The following SLCO6A1 variants were observed in gnomAD, a reference collection of about 807,000 sequenced individuals.
The protein encoded by SLCO6A1 is solute carrier organic anion transporter family member 6A1, also known as cancer/testis antigen 48.
In SLCO6A1, 65 loss-of-function variants were observed where a neutral mutation model predicts 72.7. The observed-to-expected ratio is 0.89, with a 90% CI of 0.73 to 1.10. The LOEUF (loss-of-function observed/expected upper bound fraction) is 1.10. SLCO6A1 is among the 50% of genes least tolerant of loss of function. The pLI is 0.00. For synonymous variants in SLCO6A1, 314 were observed against 298.2 expected, an observed-to-expected ratio of 1.05 and a Z score of -0.55; for missense variants, 874 against 872.6, an observed-to-expected ratio of 1.00 and a Z score of -0.02.
At position 102,455,977 on chromosome 5, in the gene SLCO6A1, G is replaced by A. The variant is rs570888893; in HGVS notation, c.1131+2405C>T. 9.8e-4 allele frequency among the ~76,000 whole-genome samples: 149 copies of A among 152,128 alleles called. 6 individuals carry two copies. The South Asian group carries it at 0.03, about 31-fold the overall frequency. Reference sequence around the variant, plus strand: ...TATGCAAATCAATAAACATAATCCAGCATATAAAGAGAACCAACGACAAAA... The same window carrying A: ...TATGCAAATCAATAAACATAATCCAACATATAAAGAGAACCAACGACAAAA... On this transcript the variant is annotated intron_variant, in intron 6 of 13. Transcript: ENST00000506729.
chr5:102,382,141 T>C (rs556025913), intron 12 of SLCO6A1, among the ~76,000 whole-genome samples: 4 of 151,842 alleles, frequency 2.6e-5, no homozygotes, highest in South Asian at 4.1e-4. Context: ...ATATATTACA[T>C]TTAAGGCTTT....
In SLCO6A1 at chr5:102,412,581, CA is replaced by C. The variant is rs560648341; in HGVS notation, c.1626+408del. 1.3e-4 allele frequency among the ~76,000 whole-genome samples: 19 copies of C among 151,928 alleles called. No individual in the cohort carries two copies. In the South Asian group the frequency reaches 4.0e-3, roughly 32 times the overall value. ...TTCAAGACCAGCTTGGGCAGCATGGCAAAAACCCATCTCTAAAAAAATTACA... is the reference window on the plus strand; with the variant it reads ...TTCAAGACCAGCTTGGGCAGCATGGCAAAACCCATCTCTAAAAAAATTACA... On this transcript the variant is annotated intron_variant, in intron 9 of 13. Transcript: ENST00000506729.
rs146187374 is a variant in SLCO6A1, at chr5:102,438,625, G to A, written c.1268C>T (p.Thr423Ile). The change falls in exon 7 of 14, where the codon ACA becomes ATA. Residue 423 changes from threonine (T) to isoleucine (I), a missense_variant. Thr to Ile is a moderately conservative substitution (Grantham distance 89, BLOSUM62 -1). Transcript: ENST00000506729. ...QFILTPTVAT[T>I]LAGLVLIPGG... ...TAAGAAGGTAAATCTACCTGCAAGT[G>A]TAGTTGCCACAGTGGGTGTTAATAT... 469 of 1,591,068 alleles carry A rather than the reference G, an allele frequency of 2.9e-4. 3 individuals are homozygous for A. In the Middle Eastern group the frequency reaches 4.5e-3, roughly 15 times the overall value.
At chr5:102,465,396 C>T (rs909279110) in intron 4 of SLCO6A1, among the ~76,000 whole-genome samples, 11 of 151,924 alleles carry the variant, frequency 7.2e-5, no homozygotes, top group Admixed American at 2.6e-4. Flanking sequence ...TCCTAGTTGC[C>T]CCAAGCAGTA....
In SLCO6A1 at chr5:102,477,674, G is replaced by A; in HGVS notation, c.802+2C>T. 6.2e-7 allele frequency: 1 copy of A among 1,609,632 alleles called. No homozygotes were observed. The stretch of plus-strand genomic sequence containing the variant: ...AATCGTAATAGAGGGGGTAAAACTT[G>A]CCTAAATAGATACCAGCTGAGTGTG... On this transcript the variant is annotated splice_donor_variant, in intron 3 of 13. Transcript: ENST00000506729. LOFTEE classifies it low-confidence loss of function (GC_TO_GT_DONOR).
chr5:102,489,385 A>T (rs1752576549), intron 1 of SLCO6A1, among the ~76,000 whole-genome samples: 1 of 152,242 alleles, frequency 6.6e-6, no homozygotes, highest in Non-Finnish European at 1.5e-5. Flanking sequence ...ATATTTAAGG[A>T]ACTCAAACAA....
chr5:102,408,219 A>G (rs1475466612), intron 9 of SLCO6A1, among the ~76,000 whole-genome samples: 2 of 150,278 alleles, frequency 1.3e-5, no homozygotes, highest in Non-Finnish European at 3.0e-5. Flanking sequence ...GCAATACTGT[A>G]ATAAAAGTTA....
rs369156032 is a variant in SLCO6A1, at chr5:102,498,879, G to C, written c.-35C>G. The C allele has an allele frequency of 1.3e-6, 2 of 1,561,806 alleles. No individual in the cohort carries two copies. The highest frequency in any genetic ancestry group is 8.7e-7 in the Non-Finnish European group (1 of 1,154,690). On this transcript the variant is annotated 5_prime_UTR_variant, in exon 1 of 14. Transcript: ENST00000506729. ...TGGGCGGCTCCTGGCGACGCGGCCC[G>C]AGTGCTCTCGGCTGCCCGTCCTGCC... is the stretch of plus-strand genomic sequence containing the variant.
intron 2 of SLCO6A1, among the ~76,000 whole-genome samples, chr5:102,478,828 A>G (rs1752043072): frequency 6.6e-6 from 1 of 152,196 alleles, no homozygotes; most frequent in Non-Finnish European, 1.5e-5. Context: ...ATACAAATGA[A>G]AATTTTCATC....
intron 12 of SLCO6A1, among the ~76,000 whole-genome samples, chr5:102,378,624 A>G (rs1291471513): frequency 6.6e-6 from 1 of 152,158 alleles, no homozygotes. Flanking sequence ...TAGGGCCTAC[A>G]TACTCATTTG....
At chr5:102,498,449 C>T (rs1249879770) in intron 1 of SLCO6A1, 38 bp downstream of exon 1, 1 of 1,576,174 alleles carries the variant, frequency 6.3e-7, no homozygotes, top group Admixed American at 1.7e-5. Flanking sequence ...GCGGCCCCAG[C>T]TGCCCTCGCC....
At chr5:102,483,554 T>C (rs1188758759) in intron 1 of SLCO6A1, among the ~76,000 whole-genome samples, 3 of 152,180 alleles carry the variant, frequency 2.0e-5, no homozygotes, top group African/African-American at 7.2e-5. Context: ...CAATTTTTGG[T>C]ATATAGAATA....
intron 6 of SLCO6A1, among the ~76,000 whole-genome samples, chr5:102,440,958 T>G (rs1749803528): frequency 6.6e-6 from 1 of 152,184 alleles, no homozygotes; most frequent in African/African-American, 2.4e-5. Flanking sequence ...AACTGGCTCT[T>G]TCTATCTCTG....
chr5:102,487,206 T>C (rs1752482801), intron 1 of SLCO6A1, among the ~76,000 whole-genome samples: 1 of 152,210 alleles, frequency 6.6e-6, no homozygotes, highest in Non-Finnish European at 1.5e-5. Flanking sequence ...CTTTTTCAGC[T>C]GTAGTCTTCT....
chr5:102,434,450 G>A (rs1188018605), intron 7 of SLCO6A1, among the ~76,000 whole-genome samples: 1 of 152,102 alleles, frequency 6.6e-6, no homozygotes, highest in Non-Finnish European at 1.5e-5. Context: ...ATCACCCTTT[G>A]GAAACTGGAG....
chr5:102,427,865 T>TATATATATATATA (rs1491508485), intron 7 of SLCO6A1, among the ~76,000 whole-genome samples: 5 of 72,688 alleles, frequency 6.9e-5, no homozygotes, highest in Non-Finnish European at 9.1e-5. Flanking sequence ...TATATATATA[T>TATATATATATATA]TTTTTTTTTT....
chr5:102,418,010 T>G (rs1426674801), intron 8 of SLCO6A1, among the ~76,000 whole-genome samples: 1 of 151,774 alleles, frequency 6.6e-6, no homozygotes, highest in African/African-American at 2.4e-5. Flanking sequence ...AAAAAATTAC[T>G]TACTTTTTTC....
rs1372775988 is a variant in SLCO6A1, at chr5:102,498,689, T to G, written c.156A>C (p.Arg52Ser). The change falls in exon 1 of 14, where the codon AGA becomes AGC. Residue 52 changes from arginine to serine, a missense_variant. Coordinates refer to ENST00000506729, the MANE Select transcript of SLCO6A1 (RefSeq NM_173488.5). The stretch of plus-strand genomic sequence containing the variant: ...ACCTTATCAAGGCCTCTGGAAGTAG[T>G]CTCAGATACCGGTGTTTTTTCCCGG... ...SKPGKKHRYL[R>S]LLPEALIRFG... The G allele has an allele frequency of 1.9e-6, 3 of 1,614,196 alleles. No homozygotes were observed. Among genetic ancestry groups the G allele is most frequent in the Admixed American group, 3.3e-5 (2 of 60,028 alleles).
intron 9 of SLCO6A1, among the ~76,000 whole-genome samples, chr5:102,403,570 T>C (rs1026068861): frequency 2.0e-5 from 3 of 152,158 alleles, no homozygotes; most frequent in Admixed American, 6.5e-5. Context: ...AACATGTATA[T>C]TTCTATAATG....
Sources: gnomAD v4.1 joint callset for allele counts (sites outside exome capture counted in the v4.1 genomes callset) on GRCh38, gnomAD v4.1.1 for gene constraint, MANE v1.5 for transcripts, NCBI Gene and HGNC (gene_info 2026-07-23, HGNC 2026-07-21) for gene names.